Variants in NDUFA10 observed in about 807,000 individuals in gnomAD.
The protein encoded by NDUFA10 is NADH dehydrogenase [ubiquinone] 1 alpha subcomplex subunit 10, mitochondrial.
NDUFA10 carries 40 observed loss-of-function variants against 47.8 expected under a neutral mutation model. The ratio of observed to expected loss-of-function variants is 0.84; its 90% CI spans 0.65 to 1.09. The LOEUF (loss-of-function observed/expected upper bound fraction) is 1.09. Among genes scored for constraint, NDUFA10 ranks in the 50% least tolerant of loss-of-function variants. The pLI is 0.00. For synonymous variants in NDUFA10, 183 were observed against 172.2 expected, an observed-to-expected ratio of 1.06 and a Z score of -0.49; for missense variants, 413 against 451.1, an observed-to-expected ratio of 0.92 and a Z score of 0.76.
chr2:239,916,340 GAACA>G lies in NDUFA10; in HGVS notation c.295-21030_295-21027del, dbSNP rs200383478. Among the ~76,000 whole-genome samples the G allele has an allele frequency of 3.4e-3, 509 of 149,254 alleles. 7 individuals are homozygous for G. Among genetic ancestry groups the G allele is most frequent in the Non-Finnish European group, 4.2e-3 (287 of 67,606 alleles). On this transcript the variant is annotated intron_variant, in intron 4 of 5. Transcript: ENST00000419408. ...ATACACAAACATACACACATGCACAGAACACACACAGACACACATACACAGACAT... is the reference window on the plus strand; with the variant it reads ...ATACACAAACATACACACATGCACAGCACACAGACACACATACACAGACAT...
In NDUFA10 at chr2:240,025,209, ACCCCGCCG is replaced by A. The variant is rs1697814047; in HGVS notation, c.75+10_75+17del. On this transcript the variant is annotated intron_variant, in intron 1 of 9. Transcript: ENST00000252711. ...CACCCTGCCACCCCGCCACCCTGCC[ACCCCGCCG>A]CCCGCTCACCACGCGCTGGGCGCCC... 1 of 1,166,406 alleles carries A rather than the reference ACCCCGCCG, an allele frequency of 8.6e-7. No homozygotes were observed. Among genetic ancestry groups the A allele is most frequent in the African/African-American group, 2.1e-5 (1 of 48,092 alleles). 72.3% of individuals were successfully genotyped at this position (1,166,406 alleles called of 1,614,324 possible).
intron 3 of NDUFA10, among the ~76,000 whole-genome samples, chr2:240,020,361 C>A (rs1697570087): frequency 6.6e-6 from 1 of 152,232 alleles, no homozygotes; most frequent in Admixed American, 6.5e-5. Flanking sequence ...TCTCTCCGCA[C>A]ACAGATGTGC....
At chr2:239,953,028 A>C (rs981328040), downstream of NDUFA10, among the ~76,000 whole-genome samples, 1 of 152,208 alleles carries the variant, frequency 6.6e-6, no homozygotes, top group Non-Finnish European at 1.5e-5. Context: ...TGTCGGCCCA[A>C]GGTGGGGACT....
rs1377718112 is a variant in NDUFA10 at position 239,898,857 on chromosome 2, T to G, written c.295-3543A>C. 1.3e-5 allele frequency among the ~76,000 whole-genome samples: 2 copies of G among 152,288 alleles called. 1 individual carries two copies. The highest frequency in any genetic ancestry group is 6.8e-3 in the Middle Eastern group (2 of 294). ...CAAGCATTTTTCTGAGCTTACAGCATGCCAGGCCTGTCTCCTTCTCTCCAC... is the reference window on the plus strand; with the variant it reads ...CAAGCATTTTTCTGAGCTTACAGCAGGCCAGGCCTGTCTCCTTCTCTCCAC... On this transcript the variant is annotated intron_variant, in intron 4 of 5. Coordinates refer to the NDUFA10 transcript ENST00000419408.
chr2:239,969,827 C>A, intron 9 of NDUFA10: 1 of 466,374 alleles, frequency 2.1e-6, no homozygotes. Flanking sequence ...AGCTTGAAGG[C>A]AGAGCAGCAG....
chr2:239,958,938 T>A lies in NDUFA10; in HGVS notation c.*2180A>T. 1.0e-6 allele frequency: 1 copy of A among 985,428 alleles called. No homozygotes were observed. Among genetic ancestry groups the A allele is most frequent in the Non-Finnish European group, 1.2e-6 (1 of 829,906 alleles). The allele number at this position is 985,428 out of a possible 1,614,324, so 61.0% of individuals were successfully genotyped here. A position where few individuals can be genotyped will look rare whatever the true frequency, so the allele number is the denominator to read the frequency against. ...CACGATTATTTTGATCCTGGTTTGT[T>A]GGTGCTGTTGTTTTAGTTGTAAGAG... On this transcript the variant is annotated 3_prime_UTR_variant, in exon 10 of 10. Coordinates refer to ENST00000252711, the MANE Select transcript of NDUFA10 (RefSeq NM_004544.4).
At chr2:239,973,028 C>T (rs780537362) in intron 9 of NDUFA10, among the ~76,000 whole-genome samples, 28 of 152,138 alleles carry the variant, frequency 1.8e-4, no homozygotes, top group Admixed American at 8.5e-4. Context: ...TAAAGATCAC[C>T]TTTTATGCTC....
At chr2:240,000,242 G>C (rs1443871986) in intron 8 of NDUFA10, among the ~76,000 whole-genome samples, 1 of 152,176 alleles carries the variant, frequency 6.6e-6, no homozygotes, top group Non-Finnish European at 1.5e-5. Flanking sequence ...GCATCCAGAA[G>C]AAGGCATCAT....
intron 4 of NDUFA10, among the ~76,000 whole-genome samples, chr2:239,923,097 G>T (rs1694015411): frequency 6.6e-6 from 1 of 152,192 alleles, no homozygotes; most frequent in Admixed American, 6.5e-5. Context: ...ACATCATGAT[G>T]AAAGGGTCAA....
At chr2:239,935,420 G>C (rs1478604859) in intron 4 of NDUFA10, among the ~76,000 whole-genome samples, 1 of 152,236 alleles carries the variant, frequency 6.6e-6, no homozygotes, top group Non-Finnish European at 1.5e-5. Flanking sequence ...AGGCCGACAG[G>C]GCCGTGTGGG....
At position 240,011,672 on chromosome 2, in the gene NDUFA10, C is replaced by G. The variant is rs112412356; in HGVS notation, c.694G>C (p.Ala232Pro). The stretch of plus-strand genomic sequence containing the variant: ...GCATTCTCAATGTCCTGTAGATAGG[C>G]AGAGGTGATCTTCATTTCATGTGGC... ...GDPHEMKITSAYLQDIENAYK... is the reference protein window; with the variant it reads ...GDPHEMKITSPYLQDIENAYK... The change falls in exon 6 of 10, where the codon GCC becomes CCC. Residue 232 changes from alanine (A) to proline (P), a missense_variant. Physicochemically the swap from Ala to Pro is conservative, Grantham distance 27. Transcript: ENST00000252711. 1.3e-5 allele frequency: 21 copies of G among 1,613,406 alleles called. No homozygotes were observed. In the African/African-American group the frequency reaches 1.3e-4, roughly 10 times the overall value.
chr2:240,007,331 A>T lies in NDUFA10; in HGVS notation c.789T>A (p.Ala263=). ...CEVLQYSARE[A]QDSKKVVEDI... The stretch of plus-strand genomic sequence containing the variant: ...ATTTTCTTACCTTTTTTGAATCTTG[A>T]GCTTCCCTTGCAGAATATTGTAAAA... Residue 263 remains alanine, a synonymous_variant, in exon 7 of 10, where the codon GCT becomes GCA. Transcript: ENST00000252711. 11 of 1,594,156 alleles carry T rather than the reference A, an allele frequency of 6.9e-6. No homozygotes were observed. Among genetic ancestry groups the T allele is most frequent in the Non-Finnish European group, 9.5e-6 (11 of 1,161,846 alleles).
At chr2:240,006,357 G>A (rs1322134333) in intron 7 of NDUFA10, among the ~76,000 whole-genome samples, 5 of 152,184 alleles carry the variant, frequency 3.3e-5, no homozygotes, top group Admixed American at 1.3e-4. Flanking sequence ...GAGCCTGGGC[G>A]AGAATGCAGG....
At position 240,025,338 on chromosome 2, in the gene NDUFA10, G is replaced by C. The variant is rs532866878; in HGVS notation, c.-37C>G. 3.9e-5 allele frequency: 57 copies of C among 1,471,960 alleles called. 1 individual carries two copies. The highest frequency in any genetic ancestry group is 2.3e-4 in the Middle Eastern group (1 of 4,328). The allele number at this position is 1,471,960 out of a possible 1,614,324, so 91.2% of individuals were successfully genotyped here. A position where few individuals can be genotyped will look rare whatever the true frequency, so the allele number is the denominator to read the frequency against. On this transcript the variant is annotated 5_prime_UTR_variant, in exon 1 of 10. Coordinates refer to ENST00000252711, the MANE Select transcript of NDUFA10 (RefSeq NM_004544.4). ...CAGCTCAGGATCAAGGACCCAAGGG[G>C]ACGCGGTCGCGACGGGGCCCTCTCT...
intron 9 of NDUFA10, chr2:239,976,389 C>T (rs997648276): frequency 2.0e-5 from 3 of 152,756 alleles, no homozygotes; most frequent in Non-Finnish European, 4.4e-5. Flanking sequence ...CCTGCAGCCT[C>T]CGGCCTTCAC....
chr2:239,894,161 C>T (rs370624388), intron 5 of NDUFA10, among the ~76,000 whole-genome samples: 19 of 145,704 alleles, frequency 1.3e-4, no homozygotes, highest in African/African-American at 4.6e-4. Flanking sequence ...CTCCTGCCTC[C>T]TGTCCTCAGC....
chr2:239,991,185 T>A (rs933166038), intron 8 of NDUFA10, among the ~76,000 whole-genome samples: 6 of 152,114 alleles, frequency 3.9e-5, no homozygotes, highest in African/African-American at 1.4e-4. Context: ...GCTCACGGGA[T>A]CCATGAATCA....
In NDUFA10 at chr2:240,014,803, TG is replaced by T. The variant is rs746019378; in HGVS notation, c.604del (p.His202ThrfsTer3). 3.7e-6 allele frequency: 6 copies of T among 1,613,886 alleles called. No individual in the cohort carries two copies. The highest frequency in any genetic ancestry group is 2.7e-5 in the African/African-American group (2 of 74,864). On this transcript the variant is annotated frameshift_variant, in exon 5 of 10. Transcript: ENST00000252711. LOFTEE classifies it high-confidence loss of function. ...GGGCACATCGATGTAAATCACCAGG[TG>T]GGGGGGCAGGTAATCGCAGATGGTG... ...SVTICDYLPPHLVIYIDVPVP... is the reference protein window; with the variant it reads ...SVTICDYLPPXLVIYIDVPVP...
intron 5 of NDUFA10, among the ~76,000 whole-genome samples, chr2:239,893,260 C>T (rs887679447): frequency 6.6e-6 from 1 of 152,086 alleles, no homozygotes; most frequent in African/African-American, 2.4e-5. Context: ...ATCATGATCG[C>T]ACAGAGGACC....
Sources: allele counts gnomAD v4.1 joint callset (sites outside exome capture counted in the v4.1 genomes callset), GRCh38; gene constraint gnomAD v4.1.1; transcripts MANE v1.5; gene names NCBI Gene and HGNC (gene_info 2026-07-23, HGNC 2026-07-21).